Variants in NDUFAF5 observed in about 807,000 individuals in gnomAD.
NDUFAF5 encodes the protein arginine-hydroxylase NDUFAF5, mitochondrial.
NDUFAF5 carries 34 observed loss-of-function variants against 48.9 expected under a neutral mutation model. The observed-to-expected ratio is 0.70, with a 90% CI of 0.53 to 0.93. The LOEUF (loss-of-function observed/expected upper bound fraction) is 0.93, where lower values mean the gene tolerates loss of function less well. Ranked by LOEUF, NDUFAF5 falls within the 40% of genes least tolerant of loss-of-function variation. The pLI, the probability that NDUFAF5 is intolerant of heterozygous loss-of-function variation, is 0.00. For missense variants in NDUFAF5, 428 were observed against 427.5 expected (o/e 1.00, Z -0.01); for synonymous variants, 153 against 150.6 (o/e 1.02, Z -0.12).
rs1292704776 is a variant in NDUFAF5, at chr20:13,817,932, A to G, written c.*722A>G. 2 of 454,054 alleles carry G rather than the reference A, an allele frequency of 4.4e-6. No individual in the cohort carries two copies. Among genetic ancestry groups the G allele is most frequent in the African/African-American group, 2.0e-5 (1 of 50,006 alleles). 28.1% of individuals were successfully genotyped at this position (454,054 alleles called of 1,614,324 possible). On this transcript the variant is annotated 3_prime_UTR_variant, in exon 11 of 11. Transcript: ENST00000378106. ...ATCATTTGGAGATAATCAAGCTCAG[A>G]CAGCTTAGGATAGGTGAGAAGAACA...
intron 6 of NDUFAF5, among the ~76,000 whole-genome samples, chr20:13,799,842 G>A (rs6033824): frequency 0.15 from 23,405 of 151,998 alleles, 2,292 homozygotes; most frequent in East Asian, 0.43. Context: ...GACTCTACAA[G>A]GAAAGAATCA....
At chr20:13,814,515 G>A (rs1986242673) in intron 8 of NDUFAF5, 1 of 1,268,340 alleles carries the variant, frequency 7.9e-7, no homozygotes. Flanking sequence ...GTGGTCTTAA[G>A]GTAAGTTCAG....
At chr20:13,794,767 A>G in intron 4 of NDUFAF5, 71 bp from the exon 5 acceptor site, 1 of 975,426 alleles carries the variant, frequency 1.0e-6, no homozygotes, top group African/African-American at 1.6e-5. Flanking sequence ...TCAATTTAAC[A>G]AACAGTGATT....
chr20:13,817,369 T>C lies in NDUFAF5; in HGVS notation c.*159T>C, dbSNP rs771156608. On this transcript the variant is annotated 3_prime_UTR_variant, in exon 11 of 11. Coordinates refer to ENST00000378106, the MANE Select transcript of NDUFAF5 (RefSeq NM_024120.5). ...CCTAATATCACATCTATAGTAACCA[T>C]TTCAGTTTCATATTGTTTCTGTTCT... is the stretch of plus-strand genomic sequence containing the variant. 1.4e-6 allele frequency: 1 copy of C among 717,488 alleles called. No homozygotes were observed. Among genetic ancestry groups the C allele is most frequent in the African/African-American group, 1.7e-5 (1 of 57,320 alleles). 44.4% of individuals were successfully genotyped at this position (717,488 alleles called of 1,614,324 possible). A position where few individuals can be genotyped will look rare whatever the true frequency, so the allele number is the denominator to read the frequency against.
intron 7 of NDUFAF5, among the ~76,000 whole-genome samples, chr20:13,802,170 G>C (rs1984265800): frequency 6.6e-6 from 1 of 152,126 alleles, no homozygotes; most frequent in Non-Finnish European, 1.5e-5. Context: ...ACAGGGTGCT[G>C]TACTCCATTA....
At chr20:13,799,065 G>A (rs773708281) in intron 6 of NDUFAF5, among the ~76,000 whole-genome samples, 7 of 152,144 alleles carry the variant, frequency 4.6e-5, no homozygotes, top group Admixed American at 2.0e-4. Context: ...TTCTAAGAAG[G>A]CAGAATCACA....
At chr20:13,789,462 G>A (rs948495871) in intron 3 of NDUFAF5, among the ~76,000 whole-genome samples, 9 of 148,846 alleles carry the variant, frequency 6.0e-5, no homozygotes, top group Non-Finnish European at 1.0e-4. Flanking sequence ...ACTGCGCCCA[G>A]CCTTAAAGTG....
chr20:13,809,986 G>A (rs1199181916), intron 8 of NDUFAF5, among the ~76,000 whole-genome samples: 1 of 152,210 alleles, frequency 6.6e-6, no homozygotes, highest in Non-Finnish European at 1.5e-5. Context: ...GGCAGGTACA[G>A]CCCTTGAGTT....
At chr20:13,808,120 T>C (rs1413696336) in intron 7 of NDUFAF5, among the ~76,000 whole-genome samples, 4 of 152,178 alleles carry the variant, frequency 2.6e-5, no homozygotes, top group Non-Finnish European at 5.9e-5. Flanking sequence ...CCCTGTGTTC[T>C]ATAAGATCAC....
chr20:13,806,235 C>T (rs112174254), intron 7 of NDUFAF5, among the ~76,000 whole-genome samples: 47 of 152,338 alleles, frequency 3.1e-4, no homozygotes, highest in African/African-American at 1.1e-3. Flanking sequence ...AGGCCTGGCA[C>T]GGTGGCTCAC....
Position 13,785,068 on chromosome 20 carries a change from G to C in NDUFAF5, c.-1G>C, listed in dbSNP as rs113590461. 1,366 of 1,610,454 alleles carry C rather than the reference G, an allele frequency of 8.5e-4. 1 individual carries two copies. Among genetic ancestry groups the C allele is most frequent in the Non-Finnish European group, 1.1e-3 (1,324 of 1,179,384 alleles). On this transcript the variant is annotated 5_prime_UTR_variant, in exon 1 of 11. Transcript: ENST00000378106. ...GCCGGCAATTGGGGTCGCAGCTGGA[G>C]ATGCTGCGGCCGGCAGGGCTCTGGC...
chr20:13,798,696 C>CT, intron 6 of NDUFAF5, among the ~76,000 whole-genome samples, 196 bp downstream of exon 6: 1 of 152,250 alleles, frequency 6.6e-6, no homozygotes, highest in South Asian at 2.1e-4. Context: ...TTTAAGAAAT[C>CT]TAATTGTAGA....
At position 13,794,958 on chromosome 20, in the gene NDUFAF5, T is replaced by C; in HGVS notation, c.479+17T>C. ...CAGTTTAAGGTTGGTAATCCACTTT[T>C]TAAAAACCATATGTTATAAACAGAT... On this transcript the variant is annotated intron_variant, in intron 5 of 10. Transcript: ENST00000378106. The C allele has an allele frequency of 6.7e-7, 1 of 1,502,556 alleles. No homozygotes were observed. The highest frequency in any genetic ancestry group is 2.3e-5 in the East Asian group (1 of 44,392). The allele number at this position is 1,502,556 out of a possible 1,614,324, so 93.1% of individuals were successfully genotyped here. A position where few individuals can be genotyped will look rare whatever the true frequency, so the allele number is the denominator to read the frequency against.
At position 13,807,777 on chromosome 20, in the gene NDUFAF5, A is replaced by G. The variant is rs533660282; in HGVS notation, c.718-1065A>G. 6.2e-4 allele frequency among the ~76,000 whole-genome samples: 94 copies of G among 151,414 alleles called. 1 individual carries two copies. The highest frequency in any genetic ancestry group is 2.1e-3 in the African/African-American group (87 of 41,268). On this transcript the variant is annotated intron_variant, in intron 7 of 10. Coordinates refer to ENST00000378106, the MANE Select transcript of NDUFAF5 (RefSeq NM_024120.5). ...GCTAACACGGTGAAAGCCCGTCTCTACTAAAAATACAAAAAAAAAAAATTA... is the reference window on the plus strand; with the variant it reads ...GCTAACACGGTGAAAGCCCGTCTCTGCTAAAAATACAAAAAAAAAAAATTA...
At chr20:13,794,721 G>A (rs756594222) in intron 4 of NDUFAF5, 117 bp from the exon 5 acceptor site, 13 of 740,716 alleles carry the variant, frequency 1.8e-5, no homozygotes, top group Non-Finnish European at 2.1e-5. Context: ...CTTTGGGAAG[G>A]GGGGTAGAAA....
chr20:13,795,696 G>A (rs532339261), intron 5 of NDUFAF5, among the ~76,000 whole-genome samples: 1 of 152,264 alleles, frequency 6.6e-6, no homozygotes, highest in South Asian at 2.1e-4. Flanking sequence ...GCGCATGCCT[G>A]TAGTCCCAGC....
rs903255396 is a variant in NDUFAF5, at chr20:13,819,079, T to C, written c.*1869T>C. ...AAACACAGCTAATTGAGGACCCTTA[T>C]TGTTTAATGTGAGTGATTGTAGTGA... On this transcript the variant is annotated 3_prime_UTR_variant, in exon 11 of 11. Coordinates refer to ENST00000378106, the MANE Select transcript of NDUFAF5 (RefSeq NM_024120.5). 2.0e-5 allele frequency: 3 copies of C among 152,216 alleles called. No individual in the cohort carries two copies. The highest frequency in any genetic ancestry group is 2.9e-5 in the Non-Finnish European group (2 of 68,046). The allele number at this position is 152,216 out of a possible 1,614,324, so 9.4% of individuals were successfully genotyped here.
chr20:13,785,141 G>C lies in NDUFAF5; in HGVS notation c.73G>C (p.Gly25Arg), dbSNP rs554134618. The C allele has an allele frequency of 8.1e-6, 13 of 1,613,982 alleles. No individual in the cohort carries two copies. In the African/African-American group the frequency reaches 1.1e-4, roughly 13 times the overall value. ...GGCGAGGGTCCCAGCGGAGAATCTTGGCCGTAGGGAAGTCACCTCTGGTGT... is the reference window on the plus strand; with the variant it reads ...GGCGAGGGTCCCAGCGGAGAATCTTCGCCGTAGGGAAGTCACCTCTGGTGT... ...WAARVPAENL[G>R]RREVTSGVSP... The change falls in exon 1 of 11, where the codon GGC becomes CGC. Residue 25 changes from glycine to arginine, a missense_variant. Transcript: ENST00000378106.
intron 3 of NDUFAF5, among the ~76,000 whole-genome samples, chr20:13,789,479 C>CTT (rs751983106): frequency 7.9e-6 from 1 of 126,146 alleles, no homozygotes; most frequent in Non-Finnish European, 1.7e-5. Context: ...AGTGGAATTT[C>CTT]TTTTTTTTTT....
Sources: allele counts gnomAD v4.1 joint callset (sites outside exome capture counted in the v4.1 genomes callset), GRCh38; gene constraint gnomAD v4.1.1; transcripts MANE v1.5; gene names NCBI Gene and HGNC (gene_info 2026-07-23, HGNC 2026-07-21).